The following SLC3A1 variants were observed in gnomAD, a reference collection of about 807,000 sequenced individuals.
The protein encoded by SLC3A1 is solute carrier family 3 member 1.
In SLC3A1, 78 loss-of-function variants were observed where a neutral mutation model predicts 60.3. The ratio of observed to expected loss-of-function variants is 1.29; its 90% CI spans 1.08 to 1.56. The LOEUF (loss-of-function observed/expected upper bound fraction) is 1.56, where lower values mean the gene tolerates loss of function less well. Ranked by LOEUF, SLC3A1 falls within the 40% of genes most tolerant of loss-of-function variation. The pLI, the probability that SLC3A1 is intolerant of heterozygous loss-of-function variation, is 0.00. For missense variants in SLC3A1, 1,172 were observed against 858.9 expected, an observed-to-expected ratio of 1.36 and a Z score of -4.56; for synonymous variants, 392 against 307.9, an observed-to-expected ratio of 1.27 and a Z score of -2.86.
intron 9 of SLC3A1, 52 bp from the exon 10 acceptor site, chr2:44,320,147 C>G (rs975660517): frequency 6.1e-6 from 9 of 1,465,454 alleles, no homozygotes; most frequent in Non-Finnish European, 8.5e-6. Flanking sequence ...AAAATACTTA[C>G]AAACAATTCT....
chr2:44,304,176 T>C lies in SLC3A1; in HGVS notation c.1170T>C (p.Ile390=). 3 of 1,614,162 alleles carry C rather than the reference T, an allele frequency of 1.9e-6. No homozygotes were observed. The highest frequency in any genetic ancestry group is 2.7e-5 in the African/African-American group (2 of 75,038). ...FMGTEAYAES[I]DRTVMYYGLP... is the part of the protein sequence containing the mutation. Reference sequence around the variant, plus strand: ...GGACTGAAGCCTATGCAGAGAGTATTGACAGGACCGTGATGTACTATGGAT... The same window carrying C: ...GGACTGAAGCCTATGCAGAGAGTATCGACAGGACCGTGATGTACTATGGAT... Residue 390 remains isoleucine (I), a synonymous_variant, in exon 7 of 10, where the codon ATT becomes ATC. Transcript: ENST00000260649.
rs568333136 is a variant in SLC3A1 at position 44,308,328 on chromosome 2, G to C, written c.1332+3990G>C. Among the ~76,000 whole-genome samples the C allele has an allele frequency of 4.5e-4, 68 of 152,176 alleles. 1 individual carries two copies. The South Asian group carries it at 0.014, about 31-fold the overall frequency. On this transcript the variant is annotated intron_variant, in intron 7 of 9. Coordinates refer to ENST00000260649, the MANE Select transcript of SLC3A1 (RefSeq NM_000341.4). Reference sequence around the variant, plus strand: ...TTCAAGATTGTTTTAGCTGTTCTGGGTACCTTATATTTCCATGTGAATTTT... The same window carrying C: ...TTCAAGATTGTTTTAGCTGTTCTGGCTACCTTATATTTCCATGTGAATTTT...
intron 7 of SLC3A1, among the ~76,000 whole-genome samples, chr2:44,308,137 CTAAATG>C (rs1021599349): frequency 3.3e-5 from 5 of 152,044 alleles, no homozygotes; most frequent in Non-Finnish European, 5.9e-5. Flanking sequence ...GACCCCGTCT[CTAAATG>C]TAAAACAAAA....
chr2:44,290,317 C>T (rs1302319806), intron 4 of SLC3A1, among the ~76,000 whole-genome samples: 1 of 152,188 alleles, frequency 6.6e-6, no homozygotes, highest in Non-Finnish European at 1.5e-5. Flanking sequence ...GTACCACACA[C>T]TGTCTGAATT....
intron 4 of SLC3A1, among the ~76,000 whole-genome samples, chr2:44,289,143 A>G (rs6715202): frequency 0.77 from 117,315 of 151,502 alleles, 46,219 homozygotes; most frequent in African/African-American, 0.86. Context: ...CCCTTTGCCC[A>G]TTGTTAAACA....
At chr2:44,301,469 A>G (rs1672006221) in intron 6 of SLC3A1, 3 of 463,688 alleles carry the variant, frequency 6.5e-6, no homozygotes, top group Non-Finnish European at 1.2e-5. Flanking sequence ...GGCCGGGCAC[A>G]GTGGCTCACG....
At chr2:44,301,869 G>T (rs1672020705) in intron 6 of SLC3A1, among the ~76,000 whole-genome samples, 1 of 151,936 alleles carries the variant, frequency 6.6e-6, no homozygotes, top group South Asian at 2.1e-4. Context: ...AGACCAGCCT[G>T]GGCAACATGG....
chr2:44,316,944 T>G (rs988799028), intron 9 of SLC3A1, among the ~76,000 whole-genome samples: 1 of 152,038 alleles, frequency 6.6e-6, no homozygotes, highest in Non-Finnish European at 1.5e-5. Flanking sequence ...TTGATTTAAA[T>G]AATTTTTGAT....
intron 7 of SLC3A1, among the ~76,000 whole-genome samples, chr2:44,311,268 T>C (rs1377920097): frequency 6.6e-6 from 1 of 152,234 alleles, no homozygotes; most frequent in South Asian, 2.1e-4. Flanking sequence ...TCTTATCTAT[T>C]TGATAACTGT....
At chr2:44,304,384 T>G (rs201759236) in intron 7 of SLC3A1, 46 bp downstream of exon 7, 1 of 1,448,736 alleles carries the variant, frequency 6.9e-7, no homozygotes, top group African/African-American at 1.4e-5. Flanking sequence ...GCTGTTGCCT[T>G]TGCTGTCCAG....
chr2:44,288,466 G>A (rs1671666401), intron 4 of SLC3A1, among the ~76,000 whole-genome samples: 1 of 150,228 alleles, frequency 6.7e-6, no homozygotes, highest in Non-Finnish European at 1.5e-5. Flanking sequence ...CTAAGCCTCA[G>A]TTAGATAGGT....
chr2:44,290,892 CTCT>C (rs947991639), intron 4 of SLC3A1, among the ~76,000 whole-genome samples: 4 of 152,126 alleles, frequency 2.6e-5, no homozygotes, highest in Non-Finnish European at 5.9e-5. Context: ...GTGGACTCTC[CTCT>C]TCTTCATCAC....
At chr2:44,306,288 A>G (rs1672154484) in intron 7 of SLC3A1, among the ~76,000 whole-genome samples, 1 of 152,138 alleles carries the variant, frequency 6.6e-6, no homozygotes, top group African/African-American at 2.4e-5. Context: ...GAAAACCTGA[A>G]AGGATAAAGG....
chr2:44,306,374 T>A (rs1672156180), intron 7 of SLC3A1, among the ~76,000 whole-genome samples: 1 of 152,196 alleles, frequency 6.6e-6, no homozygotes, highest in African/African-American at 2.4e-5. Context: ...TCTTTTCTGA[T>A]GCTTTAATAG....
At chr2:44,303,116 A>G (rs950998604) in intron 6 of SLC3A1, among the ~76,000 whole-genome samples, 9 of 151,464 alleles carry the variant, frequency 5.9e-5, no homozygotes, top group African/African-American at 1.5e-4. Context: ...CAGGAGAATC[A>G]CTTGCACCTG....
chr2:44,294,586 G>A (rs949814256), intron 4 of SLC3A1, among the ~76,000 whole-genome samples: 1 of 152,020 alleles, frequency 6.6e-6, no homozygotes, highest in African/African-American at 2.4e-5. Context: ...TCCATACTAT[G>A]TTATTGATGG....
chr2:44,300,203 G>C, intron 5 of SLC3A1, 113 bp downstream of exon 5: 1 of 1,043,196 alleles, frequency 9.6e-7, no homozygotes, highest in Non-Finnish European at 1.5e-6. Flanking sequence ...CCTGTGTCTA[G>C]CAAGTACCCT....
chr2:44,301,642 G>A (rs1291566648), intron 6 of SLC3A1, among the ~76,000 whole-genome samples: 1 of 150,086 alleles, frequency 6.7e-6, no homozygotes, highest in Non-Finnish European at 1.5e-5. Flanking sequence ...GGGAGGCTGA[G>A]GCAGGAGAAT....
At chr2:44,282,103 C>A (rs993966409) in intron 3 of SLC3A1, among the ~76,000 whole-genome samples, 9 of 152,128 alleles carry the variant, frequency 5.9e-5, no homozygotes, top group Non-Finnish European at 7.4e-5. Flanking sequence ...AACTCCTGAC[C>A]TCAGGTGATC....
Sources: allele counts gnomAD v4.1 joint callset (sites outside exome capture counted in the v4.1 genomes callset), GRCh38; gene constraint gnomAD v4.1.1; transcripts MANE v1.5; gene names NCBI Gene and HGNC (gene_info 2026-07-23, HGNC 2026-07-21).